The following RSF1 variants were observed in gnomAD, a reference collection of about 807,000 sequenced individuals.
RSF1 encodes remodeling and spacing factor 1.
Under a neutral mutation model 145.2 loss-of-function variants are expected in RSF1, and 13 were observed. The observed-to-expected ratio is 0.09, with a 90% CI of 0.06 to 0.14. RSF1 has a LOEUF of 0.14. Ranked by LOEUF, RSF1 falls within the 10% of genes least tolerant of loss-of-function variation. The pLI, the probability that RSF1 is intolerant of heterozygous loss-of-function variation, is 1.00. For synonymous variants in RSF1, 577 were observed against 592.6 expected (o/e 0.97, Z 0.38); for missense variants, 1,517 against 1,718.2 (o/e 0.88, Z 2.07).
chr11:77,686,981 T>C (rs1407062240), intron 9 of RSF1, among the ~76,000 whole-genome samples: 2 of 152,208 alleles, frequency 1.3e-5, no homozygotes, highest in Admixed American at 6.5e-5. Context: ...TATTATGACA[T>C]AGGGAGTAAG....
intron 1 of RSF1, among the ~76,000 whole-genome samples, chr11:77,800,505 A>G (rs1184814124): frequency 7.9e-5 from 12 of 152,170 alleles, no homozygotes; most frequent in Non-Finnish European, 1.6e-4. Flanking sequence ...AAAAAAGAAA[A>G]GAAAAAAGTA....
intron 4 of RSF1, 43 bp from the exon 5 acceptor site, chr11:77,725,742 T>A: frequency 6.8e-7 from 1 of 1,462,756 alleles, no homozygotes; most frequent in Non-Finnish European, 9.1e-7. Context: ...ACCTTTTTCC[T>A]GTTCTAGAGA....
intron 1 of RSF1, chr11:77,813,206 AACTT>A (rs1437541812): frequency 3.9e-5 from 18 of 457,686 alleles, no homozygotes; most frequent in Admixed American, 1.4e-4. Context: ...TGAATATTAA[AACTT>A]ACTTAATTCT....
Position 77,676,841 on chromosome 11 carries a change from T to C in RSF1, c.3292A>G (p.Ser1098Gly), listed in dbSNP as rs1338433526. The change falls in exon 13 of 16, where the codon AGC (serine) becomes GGC (glycine). Residue 1098 changes from serine (S) to glycine (G), a missense_variant. Transcript: ENST00000308488. The part of the protein sequence containing the change: ...RRRLNDLDSD[S>G]NLDEEESEDE... ...TCGCTCTCTTCTTCATCCAGGTTGC[T>C]ATCACTGTCCAGATCATTTAATCGC... 1 of 1,614,052 alleles carries C rather than the reference T, an allele frequency of 6.2e-7. No individual in the cohort carries two copies. Among genetic ancestry groups the C allele is most frequent in the South Asian group, 1.1e-5 (1 of 91,076 alleles).
At chr11:77,669,221 T>C (rs546112480) in intron 15 of RSF1, among the ~76,000 whole-genome samples, 4 of 152,352 alleles carry the variant, frequency 2.6e-5, no homozygotes, top group Admixed American at 6.5e-5. Flanking sequence ...TTACTGCTAC[T>C]GACCCAGTTC....
the RSF1 span, among the ~76,000 whole-genome samples, chr11:77,827,635 T>C: frequency 6.6e-6 from 1 of 152,220 alleles, no homozygotes; most frequent in Non-Finnish European, 1.5e-5. Flanking sequence ...TCAGCCTGAT[T>C]AAGAGCATTA....
intron 7 of RSF1, among the ~76,000 whole-genome samples, chr11:77,696,222 T>A (rs1053397182): frequency 1.3e-5 from 2 of 152,214 alleles, no homozygotes; most frequent in Non-Finnish European, 2.9e-5. Context: ...GAAGATTGCT[T>A]CTACTCTGCA....
chr11:77,692,206 A>T (rs1454227150), intron 8 of RSF1, among the ~76,000 whole-genome samples: 2 of 145,088 alleles, frequency 1.4e-5, no homozygotes, highest in African/African-American at 2.6e-5. Context: ...TTCATCATTT[A>T]AAAAAAATAA....
At chr11:77,849,702 A>G in the RSF1 span, among the ~76,000 whole-genome samples, 2 of 152,104 alleles carry the variant, frequency 1.3e-5, no homozygotes, top group African/African-American at 4.8e-5. Flanking sequence ...ATTTCATAAC[A>G]CATATTTGAA....
At chr11:77,833,298 G>C in the RSF1 span, among the ~76,000 whole-genome samples, 58 of 152,114 alleles carry the variant, frequency 3.8e-4, 1 homozygote, top group East Asian at 0.01. Flanking sequence ...CAGAATCAGT[G>C]GGAGCCCTGA....
At chr11:77,838,153 T>C in the RSF1 span, among the ~76,000 whole-genome samples, 1 of 152,200 alleles carries the variant, frequency 6.6e-6, no homozygotes, top group Admixed American at 6.5e-5. Flanking sequence ...TTTCTAATCG[T>C]CTTTAGTTGG....
intron 1 of RSF1, among the ~76,000 whole-genome samples, chr11:77,806,177 T>C (rs1256031704): frequency 6.6e-6 from 1 of 151,640 alleles, no homozygotes; most frequent in Non-Finnish European, 1.5e-5. Context: ...AGGTCACCCC[T>C]GGTGAAGATC....
the RSF1 span, among the ~76,000 whole-genome samples, chr11:77,840,416 C>A: frequency 6.6e-6 from 1 of 152,108 alleles, no homozygotes; most frequent in Non-Finnish European, 1.5e-5. Context: ...GTAATCCCAG[C>A]TACTTGGGAG....
intron 1 of RSF1, among the ~76,000 whole-genome samples, chr11:77,793,919 GTAA>G (rs1050803770): frequency 6.6e-6 from 1 of 151,776 alleles, no homozygotes; most frequent in African/African-American, 2.4e-5. Flanking sequence ...GTCAAAAAAG[GTAA>G]TAAAAAAAAA....
upstream of RSF1, among the ~76,000 whole-genome samples, chr11:77,823,214 CAA>C (rs746182266): frequency 4.9e-3 from 451 of 92,694 alleles, 1 homozygote; most frequent in African/African-American, 0.016. Flanking sequence ...GACTCCGTCT[CAA>C]AAAAAAAAAA....
At chr11:77,740,989 A>C (rs1479327865) in intron 3 of RSF1, 53 bp from the exon 4 acceptor site, 2 of 1,296,070 alleles carry the variant, frequency 1.5e-6, no homozygotes, top group East Asian at 4.8e-5. Context: ...TTTCTCCATC[A>C]CAGTAAATAT....
the RSF1 span, chr11:77,850,813 C>CA: frequency 1.3e-5 from 2 of 151,628 alleles, no homozygotes; most frequent in African/African-American, 4.9e-5. Flanking sequence ...CACATACACT[C>CA]ACACTTTGTC....
chr11:77,706,166 G>A (rs540518809), intron 5 of RSF1, among the ~76,000 whole-genome samples: 326 of 150,954 alleles, frequency 2.2e-3, no homozygotes, highest in African/African-American at 6.9e-3. Context: ...GCTTGAACCC[G>A]GGAGGCAGAG....
chr11:77,822,647 TA>T (rs1948971633), upstream of RSF1, among the ~76,000 whole-genome samples: 1 of 152,180 alleles, frequency 6.6e-6, no homozygotes, highest in South Asian at 2.1e-4. Context: ...ATACTCAATT[TA>T]TCAAGAGAAA....
Sources: gnomAD v4.1 joint callset for allele counts (sites outside exome capture counted in the v4.1 genomes callset) on GRCh38, gnomAD v4.1.1 for gene constraint, MANE v1.5 for transcripts, NCBI Gene and HGNC (gene_info 2026-07-23, HGNC 2026-07-21) for gene names.